Variants in ACER3 observed in about 807,000 individuals in gnomAD.
ACER3 encodes the protein alkCDase 3.
Under a neutral mutation model 48.9 loss-of-function variants are expected in ACER3, and 16 were observed. The ratio of observed to expected loss-of-function variants is 0.33; its 90% CI spans 0.22 to 0.50. The LOEUF (loss-of-function observed/expected upper bound fraction) is 0.50. Among genes scored for constraint, ACER3 ranks in the 20% least tolerant of loss-of-function variants. ACER3 has a pLI of 0.98. For synonymous variants in ACER3, 109 were observed against 107.8 expected, an observed-to-expected ratio of 1.01 and a Z score of -0.07; for missense variants, 227 against 326.0, an observed-to-expected ratio of 0.70 and a Z score of 2.34.
chr11:76,936,450 C>T (rs77994238), intron 2 of ACER3, among the ~76,000 whole-genome samples: 2,565 of 152,072 alleles, frequency 0.017, 77 homozygotes, highest in African/African-American at 0.06. Context: ...TAGGAGAAAA[C>T]GTGTGTGCAT....
intron 7 of ACER3, among the ~76,000 whole-genome samples, chr11:77,008,631 T>C (rs1949202461): frequency 6.6e-6 from 1 of 152,226 alleles, no homozygotes. Flanking sequence ...TAAAATCAAA[T>C]TGAAACTCTT....
At chr11:76,969,755 T>C (rs1364785328) in intron 3 of ACER3, among the ~76,000 whole-genome samples, 1 of 119,062 alleles carries the variant, frequency 8.4e-6, no homozygotes, top group East Asian at 2.6e-4. Context: ...TGACAACACG[T>C]GGACACAGGA....
intron 2 of ACER3, among the ~76,000 whole-genome samples, chr11:76,927,188 A>G (rs576004538): frequency 2.6e-5 from 4 of 152,256 alleles, no homozygotes; most frequent in Non-Finnish European, 5.9e-5. Flanking sequence ...AACTTTTTGG[A>G]AAGGATACCA....
chr11:76,941,193 A>C (rs1420363175), intron 2 of ACER3, among the ~76,000 whole-genome samples: 3 of 152,180 alleles, frequency 2.0e-5, no homozygotes, highest in Admixed American at 6.5e-5. Flanking sequence ...ACAAAACCCC[A>C]TAACAACTGC....
intron 2 of ACER3, among the ~76,000 whole-genome samples, chr11:76,927,219 G>A (rs984877435): frequency 4.6e-5 from 7 of 152,178 alleles, no homozygotes; most frequent in Admixed American, 2.0e-4. Context: ...TGTGACTTAC[G>A]TATATTCTAC....
chr11:76,871,897 G>T (rs774188849), intron 1 of ACER3, among the ~76,000 whole-genome samples: 1 of 152,162 alleles, frequency 6.6e-6, no homozygotes, highest in Non-Finnish European at 1.5e-5. Flanking sequence ...TTAGAGTCAC[G>T]TTGGAATTTG....
chr11:76,958,773 T>C (rs571882785), intron 2 of ACER3: 1 of 571,718 alleles, frequency 1.7e-6, no homozygotes, highest in South Asian at 2.1e-5. Context: ...TAGAGGGAAT[T>C]TAGGAGAACT....
intron 2 of ACER3, among the ~76,000 whole-genome samples, chr11:76,939,129 G>A (rs1244083188): frequency 6.6e-6 from 1 of 152,064 alleles, no homozygotes. Context: ...CACAAATGGG[G>A]TGAGAAGAGA....
At chr11:76,913,695 A>C (rs1236283209) in intron 1 of ACER3, among the ~76,000 whole-genome samples, 1 of 152,154 alleles carries the variant, frequency 6.6e-6, no homozygotes, top group Non-Finnish European at 1.5e-5. Flanking sequence ...AATTGGAAAA[A>C]ATTACTTTAA....
At chr11:76,951,323 C>T (rs1157424060) in intron 2 of ACER3, among the ~76,000 whole-genome samples, 1 of 152,016 alleles carries the variant, frequency 6.6e-6, no homozygotes, top group African/African-American at 2.4e-5. Context: ...TTTTTACTCT[C>T]CCCTCCTCCA....
intron 4 of ACER3, among the ~76,000 whole-genome samples, chr11:76,981,506 A>C (rs1421402361): frequency 6.6e-6 from 1 of 152,208 alleles, no homozygotes; most frequent in Non-Finnish European, 1.5e-5. Flanking sequence ...TTTCTATCAC[A>C]TTAGAACATT....
intron 3 of ACER3, among the ~76,000 whole-genome samples, chr11:76,961,029 C>CT (rs1217339952): frequency 6.6e-6 from 1 of 152,026 alleles, no homozygotes; most frequent in Non-Finnish European, 1.5e-5. Context: ...GAGAGGCTGT[C>CT]TAAGTGGAGG....
At chr11:76,865,921 A>G (rs184193455) in intron 1 of ACER3, among the ~76,000 whole-genome samples, 6 of 150,618 alleles carry the variant, frequency 4.0e-5, no homozygotes, top group Non-Finnish European at 7.4e-5. Context: ...GGCTCAAGCA[A>G]TCCTCCCAGC....
At chr11:76,864,384 G>A (rs1262956541) in intron 1 of ACER3, among the ~76,000 whole-genome samples, 1 of 152,108 alleles carries the variant, frequency 6.6e-6, no homozygotes, top group East Asian at 1.9e-4. Flanking sequence ...ATTGTTCTGT[G>A]ATCTTTAAAA....
rs1024147093 is a variant in ACER3 at position 76,969,852 on chromosome 11, G to A, written c.268-6437G>A. Among the ~76,000 whole-genome samples, 7 of 150,242 alleles carry A rather than the reference G, an allele frequency of 4.7e-5. No individual in the cohort carries two copies. In the South Asian group the frequency reaches 1.3e-3, roughly 27 times the overall value. On this transcript the variant is annotated intron_variant, in intron 3 of 10. Transcript: ENST00000532485. ...GGAGATATACCTAATGCTAAATGAC[G>A]AGTTAATGGGTGCAGCACACCAACA...
intron 1 of ACER3, among the ~76,000 whole-genome samples, chr11:76,926,329 C>T (rs1304027154): frequency 6.6e-6 from 1 of 152,006 alleles, no homozygotes; most frequent in Non-Finnish European, 1.5e-5. Flanking sequence ...AGTGGGTTTG[C>T]TGGTGGAAAA....
intron 1 of ACER3, among the ~76,000 whole-genome samples, chr11:76,909,196 C>T (rs1432739375): frequency 6.6e-6 from 1 of 152,134 alleles, no homozygotes; most frequent in Non-Finnish European, 1.5e-5. Flanking sequence ...CAATACCATT[C>T]AGAACATAGG....
chr11:76,943,384 T>C (rs1947387982), intron 2 of ACER3, among the ~76,000 whole-genome samples: 1 of 152,076 alleles, frequency 6.6e-6, no homozygotes, highest in Non-Finnish European at 1.5e-5. Flanking sequence ...TTCAAAAGAT[T>C]TTAAAATTTC....
intron 4 of ACER3, chr11:76,978,299 T>G (rs1948496053): frequency 6.6e-6 from 1 of 152,174 alleles, no homozygotes; most frequent in African/African-American, 2.4e-5. Flanking sequence ...TTCCAAGCCC[T>G]CCCATGGCTG....
Sources: allele counts gnomAD v4.1 joint callset (sites outside exome capture counted in the v4.1 genomes callset), GRCh38; gene constraint gnomAD v4.1.1; transcripts MANE v1.5; gene names NCBI Gene and HGNC (gene_info 2026-07-23, HGNC 2026-07-21).